ENOX1: variants seen among roughly 807,000 people sequenced by gnomAD.
The protein encoded by ENOX1 is ecto-NOX disulfide-thiol exchanger 1.
In ENOX1, 42 loss-of-function variants were observed where a neutral mutation model predicts 82.5. That is an observed-to-expected ratio of 0.51 (90% CI 0.40 to 0.66). ENOX1 has a LOEUF of 0.66. ENOX1 is among the 30% of genes least tolerant of loss of function. ENOX1 has a pLI of 0.00. For synonymous variants in ENOX1, 271 were observed against 282.2 expected, an observed-to-expected ratio of 0.96 and a Z score of 0.40; for missense variants, 608 against 811.6, an observed-to-expected ratio of 0.75 and a Z score of 3.05.
At chr13:43,410,817 T>C (rs780048041) in intron 5 of ENOX1, among the ~76,000 whole-genome samples, 2 of 152,188 alleles carry the variant, frequency 1.3e-5, no homozygotes, top group Non-Finnish European at 2.9e-5. Context: ...ATGAACACCA[T>C]CTACCCTCAC....
At chr13:43,506,649 T>G (rs2077177395) in intron 2 of ENOX1, among the ~76,000 whole-genome samples, 1 of 134,558 alleles carries the variant, frequency 7.4e-6, no homozygotes, top group South Asian at 2.3e-4. Flanking sequence ...TGGAATACTA[T>G]GCAGCCATAA....
chr13:43,245,940 A>T lies in ENOX1; in HGVS notation c.1612-9202T>A, dbSNP rs539188488. On this transcript the variant is annotated intron_variant, in intron 14 of 16. Coordinates refer to ENST00000690772, the MANE Select transcript of ENOX1 (RefSeq NM_001347969.2). The stretch of plus-strand genomic sequence containing the variant: ...TCTAAGATTTCCAATTGCAAAGATT[A>T]AAATAGGCGAGAACTAGTTACGGCT... 3.6e-4 allele frequency among the ~76,000 whole-genome samples: 55 copies of T among 152,364 alleles called. No homozygotes were observed. The South Asian group carries it at 0.011, about 32-fold the overall frequency.
chr13:43,279,314 C>G (rs1481840412), intron 12 of ENOX1, among the ~76,000 whole-genome samples: 20 of 152,208 alleles, frequency 1.3e-4, no homozygotes. Context: ...ATTTCAAAGG[C>G]TAGCGTGATT....
chr13:43,276,534 G>C (rs2045044839), intron 12 of ENOX1, among the ~76,000 whole-genome samples: 1 of 152,142 alleles, frequency 6.6e-6, no homozygotes, highest in South Asian at 2.1e-4. Flanking sequence ...ACCATCCACT[G>C]CTCCATCAAG....
chr13:43,453,846 T>C (rs2057091737), intron 3 of ENOX1, among the ~76,000 whole-genome samples: 1 of 152,138 alleles, frequency 6.6e-6, no homozygotes, highest in Non-Finnish European at 1.5e-5. Flanking sequence ...AAGGAAAATA[T>C]AGGTGTTGTA....
intron 1 of ENOX1, among the ~76,000 whole-genome samples, chr13:43,755,350 T>C (rs1015793880): frequency 3.3e-5 from 5 of 152,136 alleles, no homozygotes; most frequent in Non-Finnish European, 5.9e-5. Context: ...GAGTGAAATC[T>C]GGTCAAAATT....
chr13:43,630,116 C>T (rs1205617577), intron 2 of ENOX1, among the ~76,000 whole-genome samples: 1 of 152,138 alleles, frequency 6.6e-6, no homozygotes, highest in African/African-American at 2.4e-5. Flanking sequence ...ACCATGTATG[C>T]TTATTTTTGT....
Position 43,281,624 on chromosome 13 carries a change from GT to G in ENOX1, c.1447-12048del, listed in dbSNP as rs550138110. Among the ~76,000 whole-genome samples, 324 of 152,254 alleles carry G rather than the reference GT, an allele frequency of 2.1e-3. 3 individuals carry two copies. Among genetic ancestry groups the G allele is most frequent in the Non-Finnish European group, 3.2e-3 (216 of 68,000 alleles). On this transcript the variant is annotated intron_variant, in intron 12 of 16. Transcript: ENST00000690772. ...AATTGCATACATTTTAACATTGCATGTGATGTTTACCCGTGAAAATTTCCAA... is the reference window on the plus strand; with the variant it reads ...AATTGCATACATTTTAACATTGCATGGATGTTTACCCGTGAAAATTTCCAA...
chr13:43,479,323 T>C (rs930235509), intron 3 of ENOX1, among the ~76,000 whole-genome samples: 11 of 122,510 alleles, frequency 9.0e-5, no homozygotes, highest in Admixed American at 6.0e-4. Context: ...GAAAAGCAAG[T>C]GAAAAAAACA....
In ENOX1 at chr13:43,213,386, T is replaced by C. The variant is rs1333597260; in HGVS notation, c.*604A>G. The C allele has an allele frequency of 6.6e-6, 1 of 152,156 alleles. No homozygotes were observed. Among genetic ancestry groups the C allele is most frequent in the Non-Finnish European group, 1.5e-5 (1 of 68,004 alleles). The allele number at this position is 152,156 out of a possible 1,614,324, so 9.4% of individuals were successfully genotyped here. A position where few individuals can be genotyped will look rare whatever the true frequency, so the allele number is the denominator to read the frequency against. On this transcript the variant is annotated 3_prime_UTR_variant, in exon 17 of 17. Coordinates refer to ENST00000690772, the MANE Select transcript of ENOX1 (RefSeq NM_001347969.2). ...AAAGCATTCTCAATGTGTCCAATCA[T>C]ATTTTCTGCCTCTTCAATAAGGCAA...
intron 1 of ENOX1, among the ~76,000 whole-genome samples, chr13:43,777,544 C>CTTT (rs34345866): frequency 4.2e-5 from 6 of 142,338 alleles, no homozygotes; most frequent in Admixed American, 7.0e-5. Flanking sequence ...TGTATTATTT[C>CTTT]TTTTTTTTTT....
At chr13:43,771,192 G>A (rs968049465) in intron 1 of ENOX1, among the ~76,000 whole-genome samples, 1 of 152,148 alleles carries the variant, frequency 6.6e-6, no homozygotes, top group African/African-American at 2.4e-5. Flanking sequence ...AGGCGGGAGG[G>A]CAGAGGCATA....
At position 43,742,401 on chromosome 13, in the gene ENOX1, AAGAGAGACAG is replaced by A. The variant is rs556913820; in HGVS notation, c.-285+44241_-285+44250del. 3.0e-3 allele frequency among the ~76,000 whole-genome samples: 451 copies of A among 152,004 alleles called. 4 individuals are homozygous for A. The highest frequency in any genetic ancestry group is 0.01 in the African/African-American group (433 of 41,476). On this transcript the variant is annotated intron_variant, in intron 1 of 16. Coordinates refer to ENST00000690772, the MANE Select transcript of ENOX1 (RefSeq NM_001347969.2). Reference sequence around the variant, plus strand: ...ACAGGAGAAAATGGATACTCAAGCAAAGAGAGACAGAGAGAGACAGAGACAGAGAGAGACA... The same window carrying A: ...ACAGGAGAAAATGGATACTCAAGCAAAGAGAGACAGAGACAGAGAGAGACA...
chr13:43,625,232 TGCTGAGC>T (rs2082912237), intron 2 of ENOX1, among the ~76,000 whole-genome samples: 1 of 152,040 alleles, frequency 6.6e-6, no homozygotes, highest in Non-Finnish European at 1.5e-5. Flanking sequence ...CTTGCAACCT[TGCTGAGC>T]TAACTCCAGG....
At chr13:43,362,156 TACACACACACAC>T (rs10531058) in intron 5 of ENOX1, among the ~76,000 whole-genome samples, 29 of 145,746 alleles carry the variant, frequency 2.0e-4, no homozygotes, top group Admixed American at 1.8e-3. Flanking sequence ...TGCCCTGTAT[TACACACACACAC>T]ACACACACAC....
chr13:43,483,627 A>G (rs940420955), intron 3 of ENOX1, among the ~76,000 whole-genome samples: 1 of 152,208 alleles, frequency 6.6e-6, no homozygotes, highest in Non-Finnish European at 1.5e-5. Flanking sequence ...TTGATTTTCA[A>G]CGTTTCAAAA....
At chr13:43,309,863 T>A (rs757515752) in intron 11 of ENOX1, among the ~76,000 whole-genome samples, 95 of 152,116 alleles carry the variant, frequency 6.2e-4, no homozygotes, top group Non-Finnish European at 1.1e-3. Context: ...TTCTGGTGAG[T>A]ATAGTTTTTC....
intron 2 of ENOX1, among the ~76,000 whole-genome samples, chr13:43,646,282 C>T (rs553602546): frequency 8.1e-4 from 124 of 152,186 alleles, no homozygotes; most frequent in Non-Finnish European, 1.3e-3. Flanking sequence ...CTTGTTACTT[C>T]ACAGGCAGGT....
chr13:43,757,035 T>G (rs1371587579), intron 1 of ENOX1, among the ~76,000 whole-genome samples: 3 of 151,708 alleles, frequency 2.0e-5, no homozygotes, highest in South Asian at 2.1e-4. Flanking sequence ...TAATCCAATT[T>G]CTTAACATAG....
Sources: gnomAD v4.1 joint callset for allele counts (sites outside exome capture counted in the v4.1 genomes callset) on GRCh38, gnomAD v4.1.1 for gene constraint, MANE v1.5 for transcripts, NCBI Gene and HGNC (gene_info 2026-07-23, HGNC 2026-07-21) for gene names.